The following WWOX variants were observed in gnomAD, a reference collection of about 807,000 sequenced individuals.
WWOX encodes the protein WW domain containing oxidoreductase, also known as WW domain-containing oxidoreductase.
WWOX carries 69 observed loss-of-function variants against 46.2 expected under a neutral mutation model. The ratio of observed to expected loss-of-function variants is 1.49; its 90% confidence interval spans 1.23 to 1.82. The LOEUF (loss-of-function observed/expected upper bound fraction) is 1.82. WWOX is among the 40% of genes most tolerant of loss of function. WWOX has a pLI of 0.00. For missense variants in WWOX, 919 were observed against 542.6 expected (o/e 1.69, Z -6.89); for synonymous variants, 359 against 202.6 (o/e 1.77, Z -6.56).
At chr16:78,947,947 A>G (rs62035969) in intron 8 of WWOX, among the ~76,000 whole-genome samples, 26,484 of 152,172 alleles carry the variant, frequency 0.17, 2,850 homozygotes, top group Non-Finnish European at 0.25. Context: ...CAGTAATTAA[A>G]TCATTATTTC....
chr16:78,459,260 G>C (rs1450039264), intron 8 of WWOX, among the ~76,000 whole-genome samples: 2 of 152,224 alleles, frequency 1.3e-5, no homozygotes, highest in South Asian at 4.1e-4. Flanking sequence ...CACTGAAAGA[G>C]AGTGGTGTAA....
In WWOX at chr16:79,163,034, T is replaced by A. The variant is rs141874262; in HGVS notation, c.1057-48574T>A. Among the ~76,000 whole-genome samples the A allele has an allele frequency of 2.5e-4, 38 of 152,372 alleles. No individual in the cohort carries two copies. In the East Asian group the frequency reaches 5.8e-3, roughly 23 times the overall value. ...GCCTTTCAACAGTCACATGCAAGTA[T>A]TCTTTCAGGCATTTATCCAAACACA... is the stretch of plus-strand genomic sequence containing the variant. On this transcript the variant is annotated intron_variant, in intron 8 of 8. Coordinates refer to ENST00000566780, the MANE Select transcript of WWOX (RefSeq NM_016373.4).
chr16:78,845,696 G>A (rs1049620648), intron 8 of WWOX, among the ~76,000 whole-genome samples: 1 of 152,176 alleles, frequency 6.6e-6, no homozygotes, highest in African/African-American at 2.4e-5. Context: ...AATATTTCCG[G>A]AAGAATGGCC....
chr16:78,834,400 T>G (rs1006211709), intron 8 of WWOX, among the ~76,000 whole-genome samples: 7 of 152,170 alleles, frequency 4.6e-5, no homozygotes, highest in African/African-American at 1.7e-4. Flanking sequence ...CGGCACAAAT[T>G]GAATCTAGGT....
chr16:79,052,833 G>C (rs1181745767), intron 8 of WWOX, among the ~76,000 whole-genome samples: 2 of 152,176 alleles, frequency 1.3e-5, no homozygotes, highest in Non-Finnish European at 2.9e-5. Flanking sequence ...TGAGGAGCAA[G>C]CATTTCTAAC....
At chr16:78,345,512 G>A (rs2081079813) in intron 5 of WWOX, among the ~76,000 whole-genome samples, 1 of 71,872 alleles carries the variant, frequency 1.4e-5, no homozygotes, top group African/African-American at 4.8e-5. Flanking sequence ...CGGGTGTAAT[G>A]GCACACCTGT....
chr16:79,088,587 T>C (rs2048896471), intron 8 of WWOX, among the ~76,000 whole-genome samples: 1 of 152,214 alleles, frequency 6.6e-6, no homozygotes, highest in Admixed American at 6.5e-5. Flanking sequence ...TTTTTGAAAC[T>C]AAAAGAGGTT....
At position 78,746,114 on chromosome 16, in the gene WWOX, G is replaced by A. The variant is rs115275480; in HGVS notation, c.1056+313362G>A. Among the ~76,000 whole-genome samples, 826 of 152,296 alleles carry A rather than the reference G, an allele frequency of 5.4e-3. 5 individuals are homozygous for A. Among genetic ancestry groups the A allele is most frequent in the African/African-American group, 0.018 (754 of 41,564 alleles). On this transcript the variant is annotated intron_variant, in intron 8 of 8. Transcript: ENST00000566780. ...GATGGTGCAAACCAGCATGTGATTT[G>A]TCCAAGGACATCGTTTTGATATGAT...
chr16:78,378,595 T>C (rs952067863), intron 5 of WWOX, among the ~76,000 whole-genome samples: 1 of 152,216 alleles, frequency 6.6e-6, no homozygotes, highest in African/African-American at 2.4e-5. Context: ...GTGAATAATG[T>C]CATGTCAATA....
At chr16:79,059,370 A>C (rs2150545483) in intron 8 of WWOX, among the ~76,000 whole-genome samples, 1 of 152,374 alleles carries the variant, frequency 6.6e-6, no homozygotes, top group African/African-American at 2.4e-5. Context: ...ACACTTTAAC[A>C]ATCAGCTCAC....
At chr16:78,151,286 A>T (rs140435476) in intron 4 of WWOX, among the ~76,000 whole-genome samples, 13 of 152,216 alleles carry the variant, frequency 8.5e-5, no homozygotes, top group Non-Finnish European at 1.6e-4. Context: ...TGATTGTGGT[A>T]GTGTGGGGGG....
chr16:78,792,283 C>T (rs945056686), intron 8 of WWOX, among the ~76,000 whole-genome samples: 1 of 152,202 alleles, frequency 6.6e-6, no homozygotes, highest in East Asian at 1.9e-4. Flanking sequence ...CTGATCTAGG[C>T]TGGACTTGGC....
intron 8 of WWOX, among the ~76,000 whole-genome samples, chr16:78,646,182 T>C (rs1302739557): frequency 1.3e-5 from 2 of 152,084 alleles, no homozygotes; most frequent in African/African-American, 4.8e-5. Flanking sequence ...TGCCTTTTGA[T>C]TTTGATTTGG....
At chr16:78,172,461 G>C (rs2035194192) in intron 5 of WWOX, among the ~76,000 whole-genome samples, 1 of 152,072 alleles carries the variant, frequency 6.6e-6, no homozygotes, top group South Asian at 2.1e-4. Context: ...CCTGTCTCCA[G>C]AATACCTAAA....
At chr16:78,509,348 G>C (rs1219567723) in intron 8 of WWOX, among the ~76,000 whole-genome samples, 3 of 151,866 alleles carry the variant, frequency 2.0e-5, no homozygotes, top group African/African-American at 7.3e-5. Flanking sequence ...GCTGAGGCAG[G>C]AACTCGCTTG....
intron 5 of WWOX, among the ~76,000 whole-genome samples, chr16:78,377,539 GA>G (rs1196478775): frequency 8.6e-5 from 13 of 152,018 alleles, no homozygotes; most frequent in Non-Finnish European, 1.2e-4. Context: ...AATTCACTAT[GA>G]AAAAAAGCTC....
chr16:78,664,903 T>A (rs1420138199), intron 8 of WWOX, among the ~76,000 whole-genome samples: 1 of 152,234 alleles, frequency 6.6e-6, no homozygotes, highest in Non-Finnish European at 1.5e-5. Flanking sequence ...GCACTTACAA[T>A]GTGACTGGAA....
intron 5 of WWOX, among the ~76,000 whole-genome samples, chr16:78,352,126 A>G (rs1411696637): frequency 6.6e-6 from 1 of 152,258 alleles, no homozygotes; most frequent in Admixed American, 6.5e-5. Flanking sequence ...ACCTCGGCCT[A>G]TGCGATTGTG....
chr16:78,836,821 C>G (rs959451963), intron 8 of WWOX, among the ~76,000 whole-genome samples: 30 of 152,264 alleles, frequency 2.0e-4, no homozygotes, highest in African/African-American at 6.5e-4. Context: ...GTTTGGATTC[C>G]TAATCACGGG....
Sources: allele counts gnomAD v4.1 joint callset (sites outside exome capture counted in the v4.1 genomes callset), GRCh38; gene constraint gnomAD v4.1.1; transcripts MANE v1.5; gene names NCBI Gene and HGNC (gene_info 2026-07-23, HGNC 2026-07-21).